Variants in NCALD observed in about 807,000 individuals in gnomAD.
NCALD encodes the protein neurocalcin delta.
Under a neutral mutation model 18.6 loss-of-function variants are expected in NCALD, and 10 were observed. That is an observed-to-expected ratio of 0.54 (90% CI 0.33 to 0.91). The LOEUF (loss-of-function observed/expected upper bound fraction) is 0.91. Among genes scored for constraint, NCALD ranks in the 40% least tolerant of loss-of-function variants. The pLI is 0.03. For missense variants in NCALD, 184 were observed against 247.6 expected (o/e 0.74, Z 1.72); for synonymous variants, 88 against 87.4 (o/e 1.01, Z -0.04).
chr8:102,054,192 G>A (rs1409415883), intron 1 of NCALD, among the ~76,000 whole-genome samples: 1 of 152,144 alleles, frequency 6.6e-6, no homozygotes, highest in African/African-American at 2.4e-5. Flanking sequence ...TGTCTCAGGG[G>A]CAGGGAGGTT....
intron 4 of NCALD, among the ~76,000 whole-genome samples, chr8:101,845,631 T>C (rs370683992): frequency 3.9e-5 from 6 of 152,350 alleles, no homozygotes; most frequent in African/African-American, 1.4e-4. Context: ...AGCTGGGTAA[T>C]TGGGATGTCC....
At chr8:101,954,797 A>G (rs1819559872) in intron 2 of NCALD, among the ~76,000 whole-genome samples, 1 of 152,236 alleles carries the variant, frequency 6.6e-6, no homozygotes, top group Non-Finnish European at 1.5e-5. Flanking sequence ...AGAAATAAGA[A>G]TCATCATTAT....
At chr8:101,789,240 T>G (rs1424065377) in intron 1 of NCALD, among the ~76,000 whole-genome samples, 4 of 152,188 alleles carry the variant, frequency 2.6e-5, no homozygotes, top group African/African-American at 9.7e-5. Flanking sequence ...ACTGAAATGT[T>G]ACATATAAAT....
At chr8:102,097,536 T>C (rs1825142895) in intron 1 of NCALD, among the ~76,000 whole-genome samples, 1 of 152,184 alleles carries the variant, frequency 6.6e-6, no homozygotes, top group Admixed American at 6.5e-5. Flanking sequence ...CGGTGAGACA[T>C]GTAGATGCTG....
At chr8:102,112,314 G>C (rs527952827) in intron 1 of NCALD, among the ~76,000 whole-genome samples, 72 of 152,216 alleles carry the variant, frequency 4.7e-4, no homozygotes, top group African/African-American at 1.6e-3. Flanking sequence ...GAAGATACAA[G>C]CTCCAGGGGC....
chr8:102,088,721 C>CAAAAAA (rs761160722), intron 1 of NCALD, among the ~76,000 whole-genome samples: 1 of 146,856 alleles, frequency 6.8e-6, no homozygotes, highest in Non-Finnish European at 1.5e-5. Context: ...AAAACAAAAA[C>CAAAAAA]AAAAAACCTC....
In NCALD at chr8:101,790,938, G is replaced by T. The variant is rs971501226; in HGVS notation, c.-96C>A. The stretch of plus-strand genomic sequence containing the variant: ...AAACAGCAGTAGCAGCAGCAGCAAG[G>T]TCCAGCATCCACCAGATTCTCACAA... On this transcript the variant is annotated 5_prime_UTR_variant, in exon 1 of 4. Transcript: ENST00000220931. 3 of 152,340 alleles carry T rather than the reference G, an allele frequency of 2.0e-5. No individual in the cohort carries two copies. The highest frequency in any genetic ancestry group is 7.2e-5 in the African/African-American group (3 of 41,456). The allele number at this position is 152,340 out of a possible 1,614,324, so 9.4% of individuals were successfully genotyped here. A position where few individuals can be genotyped will look rare whatever the true frequency, so the allele number is the denominator to read the frequency against.
At chr8:101,764,949 A>G (rs1275769099) in intron 1 of NCALD, among the ~76,000 whole-genome samples, 1 of 152,204 alleles carries the variant, frequency 6.6e-6, no homozygotes, top group Non-Finnish European at 1.5e-5. Context: ...CTCCCATGAT[A>G]GAGTCTGCTA....
intron 3 of NCALD, chr8:101,690,847 A>G (rs1306210104): frequency 2.0e-6 from 2 of 985,184 alleles, no homozygotes; most frequent in Non-Finnish European, 2.4e-6. Context: ...GACAGGCGTG[A>G]TCTCTGAACA....
At chr8:101,986,494 G>A (rs1169973925) in intron 2 of NCALD, 1 of 152,280 alleles carries the variant, frequency 6.6e-6, no homozygotes, top group African/African-American at 2.4e-5. Flanking sequence ...GCAAAGTCAT[G>A]TTCAAACCTG....
Position 101,784,951 on chromosome 8 carries a change from T to C in NCALD, c.-20+5911A>G, listed in dbSNP as rs575593410. 3.3e-5 allele frequency among the ~76,000 whole-genome samples: 5 copies of C among 152,206 alleles called. No individual in the cohort carries two copies. In the East Asian group the frequency reaches 9.6e-4, roughly 29 times the overall value. ...ATTGACAACAAAACCAATTATTTTTTCTCATTAACATTACAACAAAACGAT... is the reference window on the plus strand; with the variant it reads ...ATTGACAACAAAACCAATTATTTTTCCTCATTAACATTACAACAAAACGAT... On this transcript the variant is annotated intron_variant, in intron 1 of 3. Coordinates refer to ENST00000220931, the MANE Select transcript of NCALD (RefSeq NM_032041.3).
At chr8:102,066,697 G>T (rs112318022) in intron 1 of NCALD, among the ~76,000 whole-genome samples, 1 of 152,248 alleles carries the variant, frequency 6.6e-6, no homozygotes. Context: ...GTCTGAATAG[G>T]AAGCTTCCAC....
intron 2 of NCALD, among the ~76,000 whole-genome samples, chr8:101,715,188 A>T (rs1290644998): frequency 6.6e-6 from 1 of 152,158 alleles, no homozygotes; most frequent in Non-Finnish European, 1.5e-5. Flanking sequence ...ATCTACAACC[A>T]TCTGATCTTT....
intron 2 of NCALD, among the ~76,000 whole-genome samples, chr8:101,701,328 A>C (rs1815256055): frequency 6.6e-6 from 1 of 152,178 alleles, no homozygotes; most frequent in Non-Finnish European, 1.5e-5. Context: ...CCGTGAAGAG[A>C]CCAGGCTACT....
At chr8:101,765,060 T>C (rs958851768) in intron 1 of NCALD, among the ~76,000 whole-genome samples, 1 of 152,156 alleles carries the variant, frequency 6.6e-6, no homozygotes, top group Non-Finnish European at 1.5e-5. Context: ...CTCCTAATCG[T>C]ATAGAGCAGT....
intron 2 of NCALD, among the ~76,000 whole-genome samples, chr8:101,957,810 A>AT (rs1414845450): frequency 6.6e-6 from 1 of 152,100 alleles, no homozygotes; most frequent in Non-Finnish European, 1.5e-5. Context: ...TCCTAAGAAA[A>AT]ACTGGGAGAT....
At chr8:102,001,171 A>C (rs1030437566) in intron 2 of NCALD, among the ~76,000 whole-genome samples, 6 of 152,348 alleles carry the variant, frequency 3.9e-5, no homozygotes, top group African/African-American at 1.4e-4. Flanking sequence ...CAATGCAGAG[A>C]AGTCCTTAAA....
chr8:101,945,585 C>T (rs535489891), intron 2 of NCALD, among the ~76,000 whole-genome samples: 143 of 152,208 alleles, frequency 9.4e-4, no homozygotes, highest in African/African-American at 3.3e-3. Flanking sequence ...ACAGTGAGTA[C>T]GGAAAAGAGC....
At chr8:101,927,133 C>T (rs1818364169) in intron 2 of NCALD, among the ~76,000 whole-genome samples, 1 of 152,198 alleles carries the variant, frequency 6.6e-6, no homozygotes, top group Admixed American at 6.5e-5. Context: ...ATGATCCTCA[C>T]CTTGCCATCC....
Sources: gnomAD v4.1 joint callset for allele counts (sites outside exome capture counted in the v4.1 genomes callset) on GRCh38, gnomAD v4.1.1 for gene constraint, MANE v1.5 for transcripts, NCBI Gene and HGNC (gene_info 2026-07-23, HGNC 2026-07-21) for gene names.